The following DHX8 variants were observed in gnomAD, a reference collection of about 807,000 sequenced individuals.
The protein encoded by DHX8 is DEAH-box helicase 8.
A neutral mutation model predicts 140.7 loss-of-function variants in DHX8; 67 were observed. The observed-to-expected ratio is 0.48, with a 90% CI of 0.39 to 0.58. The LOEUF is 0.58. Ranked by LOEUF, DHX8 falls within the 20% of genes least tolerant of loss-of-function variation. The pLI is 0.00. For missense variants in DHX8, 887 were observed against 1,550.7 expected (o/e 0.57, Z 7.19); for synonymous variants, 533 against 553.2 (o/e 0.96, Z 0.51).
chr17:43,514,789 A>AG, intron 17 of DHX8, among the ~76,000 whole-genome samples: 1 of 152,240 alleles, frequency 6.6e-6, no homozygotes, highest in Non-Finnish European at 1.5e-5. Flanking sequence ...GAAGTAGTTT[A>AG]ATAAATTATG....
chr17:43,528,480 G>T, downstream of DHX8: 1 of 1,400,398 alleles, frequency 7.1e-7, no homozygotes, highest in Non-Finnish European at 9.9e-7. Context: ...TGTACACAGG[G>T]CAGCACCCAC....
At chr17:43,505,635 C>T (rs1010547820) in intron 12 of DHX8, among the ~76,000 whole-genome samples, 7 of 151,878 alleles carry the variant, frequency 4.6e-5, no homozygotes, top group South Asian at 2.1e-4. Context: ...CTTCTTTTTC[C>T]TGGGGCCCCT....
At chr17:43,496,362 T>C (rs12602059) in intron 9 of DHX8, 94 bp downstream of exon 9, 193,790 of 795,320 alleles carry the variant, frequency 0.24, 25,150 homozygotes, top group East Asian at 0.36. Context: ...CTATTAATCA[T>C]TTGTTCTTTG....
In DHX8 at chr17:43,517,283, C is replaced by T. The variant is rs1456736019; in HGVS notation, c.2760C>T (p.Ile920=). ...TGCTGACCACCAACGTGCCGGAAAT[C>T]CAGAGAACCAACTTAGCAAGCACAG... The part of the protein sequence containing the change: ...DEMLTTNVPE[I]QRTNLASTVL... Residue 920 remains isoleucine (I), a synonymous_variant, in exon 18 of 23, where the codon ATC becomes ATT. Coordinates refer to ENST00000262415, the MANE Select transcript of DHX8 (RefSeq NM_004941.3). 3.1e-6 allele frequency: 5 copies of T among 1,613,994 alleles called. No homozygotes were observed. Among genetic ancestry groups the T allele is most frequent in the Admixed American group, 3.3e-5 (2 of 59,994 alleles).
chr17:43,543,576 G>T (rs1384371799), intron 3 of DHX8, among the ~76,000 whole-genome samples: 1 of 152,150 alleles, frequency 6.6e-6, no homozygotes, highest in Non-Finnish European at 1.5e-5. Context: ...CACTGGGAAA[G>T]GAAGTCTTTG....
chr17:43,520,650 G>A, intron 19 of DHX8, 101 bp from the exon 20 acceptor site: 1 of 1,432,588 alleles, frequency 7.0e-7, no homozygotes, highest in South Asian at 1.2e-5. Flanking sequence ...TATGCTTTGG[G>A]AAAATCTGTG....
intron 1 of DHX8, among the ~76,000 whole-genome samples, chr17:43,488,874 T>A (rs1968336509): frequency 6.6e-6 from 1 of 152,226 alleles, no homozygotes; most frequent in South Asian, 2.1e-4. Flanking sequence ...TAGGTCTTCC[T>A]AGTTTAAATG....
At chr17:43,500,851 C>T (rs2154586551) in intron 11 of DHX8, among the ~76,000 whole-genome samples, 1 of 152,096 alleles carries the variant, frequency 6.6e-6, no homozygotes, top group Non-Finnish European at 1.5e-5. Flanking sequence ...GCGGAGGTTG[C>T]AGTGAGCCAA....
At chr17:43,491,062 T>G (rs974232698) in intron 3 of DHX8, 103 bp from the exon 4 acceptor site, 2 of 487,996 alleles carry the variant, frequency 4.1e-6, no homozygotes, top group African/African-American at 2.0e-5. Context: ...ATGTTCTGTT[T>G]CAGTTTGATA....
chr17:43,499,809 G>A (rs188539159), intron 10 of DHX8, 147 bp from the exon 11 acceptor site: 16 of 851,714 alleles, frequency 1.9e-5, no homozygotes, highest in Middle Eastern at 2.4e-4. Flanking sequence ...AATATGCTAC[G>A]GTTTATCCAT....
chr17:43,520,658 GTGT>G, intron 19 of DHX8, 90 bp from the exon 20 acceptor site: 2 of 1,479,884 alleles, frequency 1.4e-6, no homozygotes, highest in Non-Finnish European at 1.9e-6. Context: ...GGGAAAATCT[GTGT>G]TGTTACCCAC....
downstream of DHX8, chr17:43,529,103 C>T (rs769840030): frequency 2.0e-5 from 32 of 1,605,508 alleles, no homozygotes; most frequent in Non-Finnish European, 2.7e-5. Context: ...CACTGCCCCC[C>T]ACCACCTTGT....
At chr17:43,501,020 T>C (rs1386113673) in intron 11 of DHX8, among the ~76,000 whole-genome samples, 1 of 152,200 alleles carries the variant, frequency 6.6e-6, no homozygotes, top group Admixed American at 6.5e-5. Context: ...AAATACTTAT[T>C]AATTTAATTT....
At chr17:43,521,819 C>T (rs1375361158) in intron 21 of DHX8, among the ~76,000 whole-genome samples, 2 of 152,168 alleles carry the variant, frequency 1.3e-5, no homozygotes, top group Non-Finnish European at 2.9e-5. Context: ...TTGCAACCCT[C>T]TGGAACATTA....
At chr17:43,520,617 A>G (rs1567698294) in intron 19 of DHX8, 134 bp from the exon 20 acceptor site, 1 of 1,017,438 alleles carries the variant, frequency 9.8e-7, no homozygotes, top group African/African-American at 1.6e-5. Flanking sequence ...CTTCTGATAG[A>G]GAAAGGCATC....
chr17:43,498,377 C>A (rs1429440866), intron 9 of DHX8, among the ~76,000 whole-genome samples: 1 of 151,820 alleles, frequency 6.6e-6, no homozygotes. Context: ...GAACTCTTGA[C>A]CTCAGGTGAT....
chr17:43,494,720 C>CA (rs572905119), intron 8 of DHX8, among the ~76,000 whole-genome samples: 925 of 57,704 alleles, frequency 0.016, 7 homozygotes, highest in East Asian at 0.06. Context: ...GACTCTGTCT[C>CA]AAAAAAAAAA....
intron 1 of DHX8, among the ~76,000 whole-genome samples, chr17:43,486,334 T>C (rs565822948): frequency 6.9e-4 from 105 of 152,346 alleles, no homozygotes; most frequent in African/African-American, 2.4e-3. Flanking sequence ...TTGATTCTTT[T>C]GCTTTTGACC....
At chr17:43,528,864 CT>C (rs1970727442), downstream of DHX8, 3 of 782,188 alleles carry the variant, frequency 3.8e-6, no homozygotes, top group Non-Finnish European at 6.2e-6. Flanking sequence ...GGGCATTTCT[CT>C]CCCATGCTGG....
Sources: allele counts gnomAD v4.1 joint callset (sites outside exome capture counted in the v4.1 genomes callset), GRCh38; gene constraint gnomAD v4.1.1; transcripts MANE v1.5; gene names NCBI Gene and HGNC (gene_info 2026-07-23, HGNC 2026-07-21).